ZNRF3: variants seen among roughly 807,000 people sequenced by gnomAD.
ZNRF3 encodes zinc and ring finger 3.
Under a neutral mutation model 72.5 loss-of-function variants are expected in ZNRF3, and 23 were observed. That is an observed-to-expected ratio of 0.32 (90% CI 0.23 to 0.45). The LOEUF (loss-of-function observed/expected upper bound fraction) is 0.45, where lower values mean the gene tolerates loss of function less well. Ranked by LOEUF, ZNRF3 falls within the 20% of genes least tolerant of loss-of-function variation. The pLI is 1.00. For synonymous variants in ZNRF3, 610 were observed against 545.3 expected (o/e 1.12, Z -1.65); for missense variants, 1,169 against 1,272.1 (o/e 0.92, Z 1.23).
At chr22:28,961,283 CA>C (rs1433191994) in intron 1 of ZNRF3, among the ~76,000 whole-genome samples, 1 of 152,210 alleles carries the variant, frequency 6.6e-6, no homozygotes, top group African/African-American at 2.4e-5. Flanking sequence ...GGTTAAGTTC[CA>C]AAGTGCATTT....
chr22:28,888,194 C>T lies in ZNRF3; in HGVS notation c.300+4128C>T, dbSNP rs1476800985. 4.6e-5 allele frequency among the ~76,000 whole-genome samples: 7 copies of T among 152,170 alleles called. No individual in the cohort carries two copies. In the East Asian group the frequency reaches 1.2e-3, roughly 25 times the overall value. ...TGGGTGGTGGGTTAAAAGGGCTGATCAAGGTCCTTAAATATCCGATGTTAA... is the reference window on the plus strand; with the variant it reads ...TGGGTGGTGGGTTAAAAGGGCTGATTAAGGTCCTTAAATATCCGATGTTAA... On this transcript the variant is annotated intron_variant, in intron 1 of 8. Coordinates refer to ENST00000544604, the MANE Select transcript of ZNRF3 (RefSeq NM_001206998.2).
rs2034021934 is a variant in ZNRF3 at position 28,897,615 on chromosome 22, T to C, written c.300+13549T>C. 5.3e-5 allele frequency among the ~76,000 whole-genome samples: 8 copies of C among 152,066 alleles called. No homozygotes were observed. In the South Asian group the frequency reaches 1.7e-3, roughly 31 times the overall value. Reference sequence around the variant, plus strand: ...GATTACTGGCGTGAGCCACCGCACCTGGCCTGTGCCTTTCCTTTTGGATTG... The same window carrying C: ...GATTACTGGCGTGAGCCACCGCACCCGGCCTGTGCCTTTCCTTTTGGATTG... On this transcript the variant is annotated intron_variant, in intron 1 of 8. Transcript: ENST00000544604.
At chr22:28,909,261 G>A (rs1469308295) in intron 1 of ZNRF3, among the ~76,000 whole-genome samples, 1 of 152,084 alleles carries the variant, frequency 6.6e-6, no homozygotes, top group African/African-American at 2.4e-5. Context: ...ACTTTTTAGA[G>A]CTTTGAAGCT....
At chr22:29,032,408 G>T (rs2036779625) in intron 2 of ZNRF3, among the ~76,000 whole-genome samples, 1 of 152,162 alleles carries the variant, frequency 6.6e-6, no homozygotes, top group Non-Finnish European at 1.5e-5. Flanking sequence ...TCCACAACAA[G>T]GCCAAGCCAC....
intron 1 of ZNRF3, among the ~76,000 whole-genome samples, chr22:28,948,227 C>T (rs2035090191): frequency 6.6e-6 from 1 of 151,840 alleles, no homozygotes; most frequent in Non-Finnish European, 1.5e-5. Flanking sequence ...TGCAGTGGCA[C>T]AATCATAGCT....
At chr22:28,901,706 T>A (rs2034108015) in intron 1 of ZNRF3, among the ~76,000 whole-genome samples, 1 of 147,742 alleles carries the variant, frequency 6.8e-6, no homozygotes, top group South Asian at 2.2e-4. Flanking sequence ...AGTGGCACGA[T>A]CTCGGCTCAC....
chr22:29,039,376 C>T (rs551871171), intron 2 of ZNRF3, among the ~76,000 whole-genome samples: 4 of 152,264 alleles, frequency 2.6e-5, no homozygotes, highest in East Asian at 1.9e-4. Flanking sequence ...GCACAGGTAC[C>T]GCGCTCCTGA....
At position 29,055,035 on chromosome 22, in the gene ZNRF3, AT is replaced by A. The variant is rs951076336; in HGVS notation, c.*1418del. On this transcript the variant is annotated 3_prime_UTR_variant, in exon 9 of 9. Transcript: ENST00000544604. ...ACACCCAAAGGGTAGGTTTTTGTATATTTTTCCAGCCTTTTTTATTAAGGGG... is the reference window on the plus strand; with the variant it reads ...ACACCCAAAGGGTAGGTTTTTGTATATTTTCCAGCCTTTTTTATTAAGGGG... 1.3e-5 allele frequency: 2 copies of A among 152,512 alleles called. No homozygotes were observed. Among genetic ancestry groups the A allele is most frequent in the Non-Finnish European group, 2.9e-5 (2 of 68,010 alleles). 9.4% of individuals were successfully genotyped at this position (152,512 alleles called of 1,614,324 possible).
intron 2 of ZNRF3, among the ~76,000 whole-genome samples, chr22:29,029,652 A>G (rs1162160151): frequency 6.6e-6 from 1 of 152,240 alleles, no homozygotes; most frequent in South Asian, 2.1e-4. Flanking sequence ...TTATCTATAT[A>G]GATCAAATCA....
At chr22:28,973,524 C>A (rs963781921) in intron 1 of ZNRF3, among the ~76,000 whole-genome samples, 2 of 152,106 alleles carry the variant, frequency 1.3e-5, no homozygotes, top group South Asian at 4.2e-4. Flanking sequence ...ACAGAAGAGG[C>A]AGTACTGGGA....
At chr22:28,897,470 G>A (rs1177994519) in intron 1 of ZNRF3, among the ~76,000 whole-genome samples, 3 of 152,092 alleles carry the variant, frequency 2.0e-5, no homozygotes, top group Non-Finnish European at 2.9e-5. Context: ...ACAGAAATGC[G>A]CCACCACGCC....
intron 2 of ZNRF3, among the ~76,000 whole-genome samples, chr22:28,998,214 G>A (rs756313020): frequency 1.3e-4 from 19 of 151,772 alleles, no homozygotes; most frequent in Non-Finnish European, 2.2e-4. Flanking sequence ...CAGGAGAATC[G>A]CTGGAATCAG....
intron 2 of ZNRF3, among the ~76,000 whole-genome samples, chr22:29,021,728 C>A (rs1490501207): frequency 1.3e-5 from 2 of 151,720 alleles, no homozygotes; most frequent in African/African-American, 4.8e-5. Flanking sequence ...CCTCAAATGA[C>A]CCACCCACCT....
In ZNRF3 at chr22:28,906,146, G is replaced by A. The variant is rs150310201; in HGVS notation, c.300+22080G>A. On this transcript the variant is annotated intron_variant, in intron 1 of 8. Coordinates refer to ENST00000544604, the MANE Select transcript of ZNRF3 (RefSeq NM_001206998.2). ...TTGAGACCAGCCTGGGCAACGTGGT[G>A]AAACCTCATCTTTACAAAAAGAATT... 5.2e-3 allele frequency among the ~76,000 whole-genome samples: 791 copies of A among 152,334 alleles called. 9 individuals carry two copies. The highest frequency in any genetic ancestry group is 0.018 in the African/African-American group (764 of 41,570).
At chr22:29,036,873 T>C (rs553864490) in intron 2 of ZNRF3, among the ~76,000 whole-genome samples, 2 of 152,234 alleles carry the variant, frequency 1.3e-5, no homozygotes, top group South Asian at 4.1e-4. Context: ...CTTAGAAGCT[T>C]ATGATAAAGA....
intron 1 of ZNRF3, among the ~76,000 whole-genome samples, chr22:28,937,165 C>A (rs545393718): frequency 7.3e-6 from 1 of 137,202 alleles, no homozygotes; most frequent in South Asian, 2.2e-4. Flanking sequence ...CAACCTACTT[C>A]TCTCTTATAA....
In ZNRF3 at chr22:29,017,588, T is replaced by C. The variant is rs142422537; in HGVS notation, c.427-24907T>C. 2.6e-3 allele frequency among the ~76,000 whole-genome samples: 393 copies of C among 152,094 alleles called. 4 individuals carry two copies. The highest frequency in any genetic ancestry group is 8.5e-3 in the African/African-American group (352 of 41,484). ...GAGAAGCTGGATTAGCAGACTTGTA[T>C]ACTCTGATTTTGTCAAGCACTGGAA... On this transcript the variant is annotated intron_variant, in intron 2 of 8. Transcript: ENST00000544604.
intron 1 of ZNRF3, among the ~76,000 whole-genome samples, chr22:28,899,545 A>G (rs973703853): frequency 6.6e-6 from 1 of 152,314 alleles, no homozygotes; most frequent in Admixed American, 6.5e-5. Context: ...TGAAACAGCA[A>G]TGGGATGGGG....
At chr22:28,973,598 C>T (rs1272776784) in intron 1 of ZNRF3, among the ~76,000 whole-genome samples, 1 of 152,182 alleles carries the variant, frequency 6.6e-6, no homozygotes, top group African/African-American at 2.4e-5. Context: ...CATAGCACAG[C>T]ATCATCAGGG....
Sources: allele counts gnomAD v4.1 joint callset (sites outside exome capture counted in the v4.1 genomes callset), GRCh38; gene constraint gnomAD v4.1.1; transcripts MANE v1.5; gene names NCBI Gene and HGNC (gene_info 2026-07-23, HGNC 2026-07-21).